The following DNAJC30 variants were observed in gnomAD, a reference collection of about 807,000 sequenced individuals.
DNAJC30 encodes the protein DnaJ heat shock protein family (Hsp40) member C30, also known as dnaJ homolog subfamily C member 30, mitochondrial.
DNAJC30 carries 16 observed loss-of-function variants against 15.4 expected under a neutral mutation model. That is an observed-to-expected ratio of 1.04 (90% CI 0.70 to 1.58). DNAJC30 has a LOEUF of 1.58. Among genes scored for constraint, DNAJC30 ranks in the 40% most tolerant of loss-of-function variants. The probability of loss-of-function intolerance (pLI) is 0.00; values close to 1 mark genes in which losing one functional copy is unlikely to be tolerated. For synonymous variants in DNAJC30, 161 were observed against 140.2 expected, an observed-to-expected ratio of 1.15 and a Z score of -1.05; for missense variants, 352 against 320.9, an observed-to-expected ratio of 1.10 and a Z score of -0.74.
Position 73,682,594 on chromosome 7 carries a change from A to C in DNAJC30, c.*149T>G. Reference sequence around the variant, plus strand: ...TGGAGCGATGTGCAGGTCATCGGCTAAGCTGGGCGGGTCGGGGAGGGCAGG... The same window carrying C: ...TGGAGCGATGTGCAGGTCATCGGCTCAGCTGGGCGGGTCGGGGAGGGCAGG... On this transcript the variant is annotated 3_prime_UTR_variant, in exon 1 of 1. Coordinates refer to ENST00000395176, the MANE Select transcript of DNAJC30 (RefSeq NM_032317.3). 2.1e-6 allele frequency: 2 copies of C among 934,310 alleles called. No individual in the cohort carries two copies. The highest frequency in any genetic ancestry group is 3.1e-6 in the Non-Finnish European group (2 of 647,358). 57.9% of individuals were successfully genotyped at this position (934,310 alleles called of 1,614,324 possible). A position where few individuals can be genotyped will look rare whatever the true frequency, so the allele number is the denominator to read the frequency against.
rs562570211 is a variant in DNAJC30, at chr7:73,682,632, C to A, written c.*111G>T. On this transcript the variant is annotated 3_prime_UTR_variant, in exon 1 of 1. Coordinates refer to ENST00000395176, the MANE Select transcript of DNAJC30 (RefSeq NM_032317.3). The stretch of plus-strand genomic sequence containing the variant: ...CGGGGAGGGCAGGGGGAGTACAGTT[C>A]CTTCGGATCCCAGCAAAGGTAGACT... 301 of 1,349,456 alleles carry A rather than the reference C, an allele frequency of 2.2e-4. No individual in the cohort carries two copies. The African/African-American group carries it at 4.1e-3, about 18-fold the overall frequency. 83.6% of individuals were successfully genotyped at this position (1,349,456 alleles called of 1,614,324 possible). A position where few individuals can be genotyped will look rare whatever the true frequency, so the allele number is the denominator to read the frequency against.
Position 73,682,671 on chromosome 7 carries a change from G to A in DNAJC30, c.*72C>T. ...CAAAGGTAGACTATCAATGGCCAAG[G>A]GTTCAGAGGCAGGAAAAAAGGCCGT... On this transcript the variant is annotated 3_prime_UTR_variant, in exon 1 of 1. Coordinates refer to ENST00000395176, the MANE Select transcript of DNAJC30 (RefSeq NM_032317.3). The A allele has an allele frequency of 2.0e-6, 3 of 1,517,628 alleles. No homozygotes were observed. Among genetic ancestry groups the A allele is most frequent in the Admixed American group, 2.1e-5 (1 of 46,724 alleles). 94.0% of individuals were successfully genotyped at this position (1,517,628 alleles called of 1,614,324 possible).
Position 73,683,406 on chromosome 7 carries a change from C to T in DNAJC30, c.18G>A (p.Trp6Ter), listed in dbSNP as rs1797786459. Residue 6 changes from tryptophan to a stop codon, truncating the protein, a stop_gained, in exon 1 of 1, where the codon TGG (tryptophan) becomes TGA (stop). Coordinates refer to ENST00000395176, the MANE Select transcript of DNAJC30 (RefSeq NM_032317.3). LOFTEE classifies it high-confidence loss of function. MAAMR[W>*]RWWQRLLPWR... The stretch of plus-strand genomic sequence containing the variant: ...AAGGTAACAGCCGCTGCCACCATCG[C>T]CAGCGCATGGCTGCCATGTTGAATT... The T allele has an allele frequency of 6.2e-7, 1 of 1,612,142 alleles. No homozygotes were observed. The highest frequency in any genetic ancestry group is 8.5e-7 in the Non-Finnish European group (1 of 1,179,346).
Position 73,683,032 on chromosome 7 carries a change from G to C in DNAJC30, c.392C>G (p.Pro131Arg), listed in dbSNP as rs781811295. 2 of 1,588,710 alleles carry C rather than the reference G, an allele frequency of 1.3e-6. No homozygotes were observed. The highest frequency in any genetic ancestry group is 1.7e-6 in the Non-Finnish European group (2 of 1,165,706). ...ACGCGGCGAGCCGGGGTCGGGTGCGGGCGTCCTGGAGGGCCGGACGCCAGG... is the reference window on the plus strand; with the variant it reads ...ACGCGGCGAGCCGGGGTCGGGTGCGCGCGTCCTGGAGGGCCGGACGCCAGG... ...RGPGVRPSRT[P>R]APDPGSPRTP... The change falls in exon 1 of 1, where the codon CCC becomes CGC. Residue 131 changes from proline to arginine, a missense_variant. Physicochemically the swap from Pro to Arg is moderately radical, Grantham distance 103. Transcript: ENST00000395176.
At position 73,682,087 on chromosome 7, in the gene DNAJC30, A is replaced by G. The variant is rs1554611361; in HGVS notation, c.*656T>C. 2 of 152,416 alleles carry G rather than the reference A, an allele frequency of 1.3e-5. No individual in the cohort carries two copies. The highest frequency in any genetic ancestry group is 2.9e-5 in the Non-Finnish European group (2 of 68,084). The allele number at this position is 152,416 out of a possible 1,614,324, so 9.4% of individuals were successfully genotyped here. A position where few individuals can be genotyped will look rare whatever the true frequency, so the allele number is the denominator to read the frequency against. ...ACTTCTCCAAGGTCACACATTAAAT[A>G]TGGGCACAGGAACACTCATTCCTTA... On this transcript the variant is annotated 3_prime_UTR_variant, in exon 1 of 1. Coordinates refer to ENST00000395176, the MANE Select transcript of DNAJC30 (RefSeq NM_032317.3).
In DNAJC30 at chr7:73,681,435, G is replaced by C. The variant is rs1797708523; in HGVS notation, c.*1308C>G. The C allele has an allele frequency of 6.6e-6, 1 of 152,234 alleles. No individual in the cohort carries two copies. Among genetic ancestry groups the C allele is most frequent in the African/African-American group, 2.4e-5 (1 of 41,448 alleles). The allele number at this position is 152,234 out of a possible 1,614,324, so 9.4% of individuals were successfully genotyped here. A position where few individuals can be genotyped will look rare whatever the true frequency, so the allele number is the denominator to read the frequency against. On this transcript the variant is annotated 3_prime_UTR_variant, in exon 1 of 1. Transcript: ENST00000395176. The stretch of plus-strand genomic sequence containing the variant: ...CCAAAATTTACCCCAGCCTCAAGCA[G>C]CCTTGTTTAAAAAATTAAGGAAGGG...
Position 73,682,682 on chromosome 7 carries a change from AG to A in DNAJC30, c.*60del, listed in dbSNP as rs1554611466. The A allele has an allele frequency of 4.6e-6, 7 of 1,536,806 alleles. No homozygotes were observed. The East Asian group carries it at 1.6e-4, about 35-fold the overall frequency. On this transcript the variant is annotated 3_prime_UTR_variant, in exon 1 of 1. Coordinates refer to ENST00000395176, the MANE Select transcript of DNAJC30 (RefSeq NM_032317.3). ...TATCAATGGCCAAGGGTTCAGAGGCAGGAAAAAAGGCCGTTTCTGGGGGGTT... is the reference window on the plus strand; with the variant it reads ...TATCAATGGCCAAGGGTTCAGAGGCAGAAAAAAGGCCGTTTCTGGGGGGTT...
At position 73,683,075 on chromosome 7, in the gene DNAJC30, C is replaced by T; in HGVS notation, c.349G>A (p.Asp117Asn). ...RRKYDRGLLS[D>N]EDLRGPGVRP... ...ACGCCAGGTCCGCGCAGGTCCTCGT[C>T]GCTGAGTAGGCCGCGATCATACTTG... is the stretch of plus-strand genomic sequence containing the variant. The change falls in exon 1 of 1, where the codon GAC becomes AAC. Residue 117 changes from aspartate (D) to asparagine (N), a missense_variant. Coordinates refer to ENST00000395176, the MANE Select transcript of DNAJC30 (RefSeq NM_032317.3). 3 of 1,605,886 alleles carry T rather than the reference C, an allele frequency of 1.9e-6. No homozygotes were observed. The highest frequency in any genetic ancestry group is 1.7e-6 in the Non-Finnish European group (2 of 1,174,520).
rs1271710344 is a variant in DNAJC30 at position 73,683,022 on chromosome 7, G to A, written c.402C>T (p.Asp134=). Residue 134 remains aspartate, a synonymous_variant, in exon 1 of 1, where the codon GAC becomes GAT. Coordinates refer to ENST00000395176, the MANE Select transcript of DNAJC30 (RefSeq NM_032317.3). Reference sequence around the variant, plus strand: ...GCGGCGGGGTACGCGGCGAGCCGGGGTCGGGTGCGGGCGTCCTGGAGGGCC... The same window carrying A: ...GCGGCGGGGTACGCGGCGAGCCGGGATCGGGTGCGGGCGTCCTGGAGGGCC... ...GVRPSRTPAP[D]PGSPRTPPPT... is the part of the protein sequence containing the mutation. 1 of 1,588,274 alleles carries A rather than the reference G, an allele frequency of 6.3e-7. No homozygotes were observed. The highest frequency in any genetic ancestry group is 1.3e-5 in the African/African-American group (1 of 74,294).
At position 73,683,392 on chromosome 7, in the gene DNAJC30, C is replaced by T; in HGVS notation, c.32G>A (p.Arg11Gln). Residue 11 changes from arginine (R) to glutamine (Q), a missense_variant, in exon 1 of 1, where the codon CGG (arginine) becomes CAG (glutamine). Transcript: ENST00000395176. The stretch of plus-strand genomic sequence containing the variant: ...CTGCAGCAACCTCCAAGGTAACAGC[C>T]GCTGCCACCATCGCCAGCGCATGGC... MAAMRWRWWQ[R>Q]LLPWRLLQAR... 1.2e-6 allele frequency: 2 copies of T among 1,612,372 alleles called. No homozygotes were observed. Among genetic ancestry groups the T allele is most frequent in the South Asian group, 1.1e-5 (1 of 91,074 alleles).
In DNAJC30 at chr7:73,681,279, C is replaced by T. The variant is rs367662504; in HGVS notation, c.*1464G>A. The T allele has an allele frequency of 1.3e-5, 2 of 152,232 alleles. No individual in the cohort carries two copies. The highest frequency in any genetic ancestry group is 3.8e-4 in the East Asian group (2 of 5,200). The allele number at this position is 152,232 out of a possible 1,614,324, so 9.4% of individuals were successfully genotyped here. On this transcript the variant is annotated 3_prime_UTR_variant, in exon 1 of 1. Coordinates refer to ENST00000395176, the MANE Select transcript of DNAJC30 (RefSeq NM_032317.3). ...CTCTGACCAAAGTGATGACCAACTA[C>T]TTAACATGAATTAGAAACAGAGCAG...
chr7:73,683,271 A>T lies in DNAJC30; in HGVS notation c.153T>A (p.Tyr51Ter). The T allele has an allele frequency of 6.2e-7, 1 of 1,614,124 alleles. No individual in the cohort carries two copies. The highest frequency in any genetic ancestry group is 8.5e-7 in the Non-Finnish European group (1 of 1,180,048). ...CTGTGGAGGGGACGCCGAGCAGATC[A>T]TACAGCGCCGTGCGCGAATACGAGC... ...GDCSYSRTAL[Y>*]DLLGVPSTAT... The change falls in exon 1 of 1, where the codon TAT (tyrosine) becomes TAA (stop). Residue 51 changes from tyrosine (Y) to a stop codon, truncating the protein, a stop_gained. Transcript: ENST00000395176. LOFTEE classifies it high-confidence loss of function.
chr7:73,683,045 GC>G lies in DNAJC30; in HGVS notation c.378del (p.Ser128ProfsTer55), dbSNP rs1554611658. ...SDEDLRGPGVRPSRTPAPDPG... is the reference protein window; with the variant it reads ...SDEDLRGPGVXPSRTPAPDPG... ...GGGTCGGGTGCGGGCGTCCTGGAGG[GC>G]CGGACGCCAGGTCCGCGCAGGTCCT... On this transcript the variant is annotated frameshift_variant, in exon 1 of 1. Coordinates refer to ENST00000395176, the MANE Select transcript of DNAJC30 (RefSeq NM_032317.3). LOFTEE classifies it high-confidence loss of function. The G allele has an allele frequency of 6.3e-7, 1 of 1,591,454 alleles. No homozygotes were observed. The highest frequency in any genetic ancestry group is 8.6e-7 in the Non-Finnish European group (1 of 1,166,826).
At position 73,683,452 on chromosome 7, in the gene DNAJC30, A is replaced by AG; in HGVS notation, c.-30dup. On this transcript the variant is annotated 5_prime_UTR_variant, in exon 1 of 1. Coordinates refer to ENST00000395176, the MANE Select transcript of DNAJC30 (RefSeq NM_032317.3). Reference sequence around the variant, plus strand: ...GAATTGATTCGGCAGGCGGTGCAAGAGAAACCGGCCAATGAGAGGAGTCGG... The same window carrying AG: ...GAATTGATTCGGCAGGCGGTGCAAGAGGAAACCGGCCAATGAGAGGAGTCGG... The AG allele has an allele frequency of 3.7e-6, 6 of 1,607,546 alleles. No individual in the cohort carries two copies. The highest frequency in any genetic ancestry group is 5.1e-6 in the Non-Finnish European group (6 of 1,177,496).
rs782325183 is a variant in DNAJC30, at chr7:73,682,870, C to T, written c.554G>A (p.Arg185Gln). Residue 185 changes from arginine to glutamine, a missense_variant, in exon 1 of 1, where the codon CGG becomes CAG. Transcript: ENST00000395176. Reference protein sequence around the residue: ...QLERERRLRARREALRKRQEY... With the variant: ...QLERERRLRAQREALRKRQEY... ...CTGCCGTTTGCGAAGGGCCTCCCGC[C>T]GGGCCCTCAGGCGCCGTTCCCGCTC... 1 of 1,614,008 alleles carries T rather than the reference C, an allele frequency of 6.2e-7. No homozygotes were observed. Among genetic ancestry groups the T allele is most frequent in the Non-Finnish European group, 8.5e-7 (1 of 1,180,056 alleles).
chr7:73,682,905 C>T lies in DNAJC30; in HGVS notation c.519G>A (p.Gly173=), dbSNP rs534498812. The change falls in exon 1 of 1, where the codon GGG becomes GGA. Residue 173 remains glycine (G), a synonymous_variant. Coordinates refer to ENST00000395176, the MANE Select transcript of DNAJC30 (RefSeq NM_032317.3). ...NFDAFYQAHY[G]EQLERERRLR... ...GGCGCCGTTCCCGCTCCAGTTGTTC[C>T]CCGTAGTGGGCCTGGTAGAAGGCGT... The T allele has an allele frequency of 3.1e-6, 5 of 1,614,090 alleles. No individual in the cohort carries two copies. In the South Asian group the frequency reaches 4.4e-5, roughly 14 times the overall value.
At position 73,683,352 on chromosome 7, in the gene DNAJC30, T is replaced by G. The variant is rs1797781860; in HGVS notation, c.72A>C (p.Pro24=). 1 of 1,613,404 alleles carries G rather than the reference T, an allele frequency of 6.2e-7. No individual in the cohort carries two copies. The highest frequency in any genetic ancestry group is 1.1e-5 in the South Asian group (1 of 91,094). The part of the protein sequence containing the change: ...PWRLLQARGF[P]QNSAPSLGLG... ...GGCCCAGGCTGGGTGCAGAATTTTGTGGAAAGCCACGGGCCTGCAGCAACC... is the reference window on the plus strand; with the variant it reads ...GGCCCAGGCTGGGTGCAGAATTTTGGGGAAAGCCACGGGCCTGCAGCAACC... The change falls in exon 1 of 1, where the codon CCA becomes CCC. Residue 24 remains proline (P), a synonymous_variant. Coordinates refer to ENST00000395176, the MANE Select transcript of DNAJC30 (RefSeq NM_032317.3).
chr7:73,682,507 G>A lies in DNAJC30; in HGVS notation c.*236C>T, dbSNP rs1201943999. The A allele has an allele frequency of 4.5e-6, 2 of 442,530 alleles. No homozygotes were observed. Among genetic ancestry groups the A allele is most frequent in the Non-Finnish European group, 7.9e-6 (2 of 252,456 alleles). 27.4% of individuals were successfully genotyped at this position (442,530 alleles called of 1,614,324 possible). A position where few individuals can be genotyped will look rare whatever the true frequency, so the allele number is the denominator to read the frequency against. On this transcript the variant is annotated 3_prime_UTR_variant, in exon 1 of 1. Transcript: ENST00000395176. ...GAACCCCCTTCACTCCTGGGCTTTC[G>A]GGACTCTACAGCGTGGGGCCTCTTT...
chr7:73,682,994 T>C lies in DNAJC30; in HGVS notation c.430A>G (p.Thr144Ala), dbSNP rs939355018. The change falls in exon 1 of 1, where the codon ACC (threonine) becomes GCC (alanine). Residue 144 changes from threonine to alanine, a missense_variant. Thr to Ala is a moderately conservative substitution (Grantham distance 58, BLOSUM62 0). Transcript: ENST00000395176. The stretch of plus-strand genomic sequence containing the variant: ...CGAGAACCGTCGTGGGTCCGAGAGG[T>C]GGGCGGCGGGGTACGCGGCGAGCCG... The part of the protein sequence containing the change: ...DPGSPRTPPP[T>A]SRTHDGSRAS... 3 of 1,595,268 alleles carry C rather than the reference T, an allele frequency of 1.9e-6. No individual in the cohort carries two copies. Among genetic ancestry groups the C allele is most frequent in the African/African-American group, 1.3e-5 (1 of 74,422 alleles).
Sources: allele counts gnomAD v4.1 joint callset, GRCh38; gene constraint gnomAD v4.1.1; transcripts MANE v1.5; gene names NCBI Gene and HGNC (gene_info 2026-07-23, HGNC 2026-07-21).